Variants in KAZN observed in about 807,000 individuals in gnomAD.
KAZN encodes kazrin, periplakin interacting protein, also known as kazrin.
KAZN carries 40 observed loss-of-function variants against 87.4 expected under a neutral mutation model. The ratio of observed to expected loss-of-function variants is 0.46; its 90% CI spans 0.36 to 0.60. The LOEUF is 0.60. KAZN is among the 20% of genes least tolerant of loss of function. The probability of loss-of-function intolerance (pLI) is 0.00; values close to 1 mark genes in which losing one functional copy is unlikely to be tolerated. For synonymous variants in KAZN, 466 were observed against 458.3 expected (o/e 1.02, Z -0.22); for missense variants, 898 against 1,073.9 (o/e 0.84, Z 2.29).
At position 14,515,199 on chromosome 1, in the gene KAZN, T is replaced by G. The variant is rs761389807; in HGVS notation, c.250-83784T>G. ...CATTTAATGACCTTGTGCTATCAAC[T>G]CTCTCCTACATGATCTTGCTTAATC... On this transcript the variant is annotated intron_variant, in intron 2 of 16. Coordinates refer to the KAZN transcript ENST00000636203. Among the ~76,000 whole-genome samples, 146 of 152,102 alleles carry G rather than the reference T, an allele frequency of 9.6e-4. 8 individuals carry two copies. Among genetic ancestry groups the G allele is most frequent in the Non-Finnish European group, 4.7e-4 (32 of 68,022 alleles).
intron 1 of KAZN, among the ~76,000 whole-genome samples, chr1:14,790,278 C>T (rs1645635634): frequency 6.6e-6 from 1 of 151,992 alleles, no homozygotes; most frequent in African/African-American, 2.4e-5. Context: ...TCCCAAAGTG[C>T]TGGGATTGCA....
At chr1:14,243,497 C>T (rs2100584892) in intron 2 of KAZN, among the ~76,000 whole-genome samples, 1 of 152,290 alleles carries the variant, frequency 6.6e-6, no homozygotes, top group African/African-American at 2.4e-5. Flanking sequence ...TAACGTAGCT[C>T]TTCAAAATAG....
At chr1:14,388,722 A>G (rs1662165867) in intron 2 of KAZN, among the ~76,000 whole-genome samples, 1 of 152,214 alleles carries the variant, frequency 6.6e-6, no homozygotes, top group Admixed American at 6.5e-5. Context: ...AGACTTAAAT[A>G]TAAGACCTAA....
At chr1:13,971,550 G>T (rs1403097095) in intron 1 of KAZN, among the ~76,000 whole-genome samples, 1 of 152,072 alleles carries the variant, frequency 6.6e-6, no homozygotes, top group Non-Finnish European at 1.5e-5. Flanking sequence ...AACACAGTGT[G>T]CTTCTCCAGT....
chr1:14,735,303 G>A lies in KAZN; in HGVS notation c.226+136080G>A, dbSNP rs1026060455. On this transcript the variant is annotated intron_variant, in intron 1 of 14. Coordinates refer to ENST00000376030, the MANE Select transcript of KAZN (RefSeq NM_201628.3). This position sits in a 1 kb window ranked among gnomAD's most constrained non-coding sequence, Gnocchi z 4.3. ...TCTCGATCTCCTGACCTCGTGATCC[G>A]CCCGCCTCGGCCTCCCAAAGTGCTG... Among the ~76,000 whole-genome samples the A allele has an allele frequency of 2.5e-4, 38 of 152,108 alleles. No individual in the cohort carries two copies. The highest frequency in any genetic ancestry group is 3.6e-4 in the African/African-American group (15 of 41,508).
At chr1:14,786,968 C>G (rs572961678) in intron 1 of KAZN, among the ~76,000 whole-genome samples, 1 of 152,304 alleles carries the variant, frequency 6.6e-6, no homozygotes, top group African/African-American at 2.4e-5. Context: ...CATTTTGAAT[C>G]ATGTTTTCTG....
chr1:14,526,019 G>T (rs569873893), intron 2 of KAZN, among the ~76,000 whole-genome samples: 1 of 152,274 alleles, frequency 6.6e-6, no homozygotes, highest in East Asian at 1.9e-4. Flanking sequence ...ATCCTCAATG[G>T]ATCTCCGCTA....
At chr1:14,087,183 C>T (rs907885762) in intron 1 of KAZN, among the ~76,000 whole-genome samples, 8 of 152,072 alleles carry the variant, frequency 5.3e-5, no homozygotes, top group East Asian at 1.9e-4. Context: ...AAATGTTCTT[C>T]GTGTACAGGT....
chr1:14,765,258 C>A (rs1256194400), intron 1 of KAZN, among the ~76,000 whole-genome samples: 1 of 152,176 alleles, frequency 6.6e-6, no homozygotes, highest in African/African-American at 2.4e-5. Flanking sequence ...CAAGTACCTC[C>A]TTGGAGACAA....
intron 1 of KAZN, among the ~76,000 whole-genome samples, chr1:14,101,149 A>G (rs1373949461): frequency 6.6e-6 from 1 of 152,018 alleles, no homozygotes; most frequent in Non-Finnish European, 1.5e-5. Flanking sequence ...GCCCTCCCCA[A>G]ATCTGAGTTC....
intron 2 of KAZN, among the ~76,000 whole-genome samples, chr1:14,981,328 C>G (rs978726734): frequency 6.6e-6 from 1 of 152,198 alleles, no homozygotes; most frequent in African/African-American, 2.4e-5. Flanking sequence ...CATTAAAGAC[C>G]TTAGCCCATG....
intron 7 of KAZN, among the ~76,000 whole-genome samples, chr1:15,064,640 C>T (rs781312502): frequency 2.0e-5 from 3 of 152,248 alleles, no homozygotes; most frequent in African/African-American, 7.2e-5. Context: ...CAGGTAGAGT[C>T]ATGATCAGAA....
At chr1:14,187,710 A>G (rs1646337688) in intron 2 of KAZN, among the ~76,000 whole-genome samples, 1 of 152,208 alleles carries the variant, frequency 6.6e-6, no homozygotes, top group African/African-American at 2.4e-5. Context: ...ACTCTCTACA[A>G]TGCACAGGAG....
At chr1:14,528,358 A>AG (rs1376602869) in intron 2 of KAZN, among the ~76,000 whole-genome samples, 8 of 142,730 alleles carry the variant, frequency 5.6e-5, no homozygotes, top group Non-Finnish European at 9.1e-5. Context: ...AAAAAAAAAA[A>AG]AAAGAAAGAA....
At chr1:14,761,318 T>G (rs1468818796) in intron 1 of KAZN, among the ~76,000 whole-genome samples, 1 of 152,188 alleles carries the variant, frequency 6.6e-6, no homozygotes, top group African/African-American at 2.4e-5. Context: ...TTCAAGAGCC[T>G]GCAGATCTAC....
Position 14,318,786 on chromosome 1 carries a change from C to T in KAZN, c.249+138194C>T, listed in dbSNP as rs552795844. The stretch of plus-strand genomic sequence containing the variant: ...TCTTCAAGTTCTCTAACTTTTTACT[C>T]TTCAGTATTTAATTTGATGGATTTA... On this transcript the variant is annotated intron_variant, in intron 2 of 16. Transcript: ENST00000636203. 1.3e-4 allele frequency among the ~76,000 whole-genome samples: 20 copies of T among 152,026 alleles called. No homozygotes were observed. In the South Asian group the frequency reaches 4.2e-3, roughly 32 times the overall value.
intron 2 of KAZN, among the ~76,000 whole-genome samples, chr1:14,294,655 C>A (rs1653977993): frequency 7.0e-6 from 1 of 143,060 alleles, no homozygotes; most frequent in Non-Finnish European, 1.5e-5. Context: ...GGGCAGTTTC[C>A]CTGGCAGGGT....
At chr1:14,102,476 C>A (rs1644279309) in intron 1 of KAZN, among the ~76,000 whole-genome samples, 1 of 151,932 alleles carries the variant, frequency 6.6e-6, no homozygotes, top group African/African-American at 2.4e-5. Flanking sequence ...AATGGGTGAT[C>A]CTAGTTCCTG....
At chr1:14,942,887 A>G (rs1217341824) in intron 1 of KAZN, among the ~76,000 whole-genome samples, 1 of 152,058 alleles carries the variant, frequency 6.6e-6, no homozygotes, top group African/African-American at 2.4e-5. Flanking sequence ...TAATCCTCTA[A>G]GAAAGGCAGG....
Sources: gnomAD v4.1 joint callset for allele counts (sites outside exome capture counted in the v4.1 genomes callset) on GRCh38, gnomAD v4.1.1 for gene constraint, Gnocchi (gnomAD v3.1) non-coding constraint, MANE v1.5 for transcripts, NCBI Gene and HGNC (gene_info 2026-07-23, HGNC 2026-07-21) for gene names.